The following ZKSCAN2 variants were observed in gnomAD, a reference collection of about 807,000 sequenced individuals.
ZKSCAN2 encodes zinc finger protein with KRAB and SCAN domains 2.
Under a neutral mutation model 90.5 loss-of-function variants are expected in ZKSCAN2, and 38 were observed. The observed-to-expected ratio is 0.42, with a 90% CI of 0.32 to 0.55. The LOEUF (loss-of-function observed/expected upper bound fraction) is 0.55, where lower values mean the gene tolerates loss of function less well. ZKSCAN2 is among the 20% of genes least tolerant of loss of function. The probability of loss-of-function intolerance (pLI) is 0.11; values close to 1 mark genes in which losing one functional copy is unlikely to be tolerated. For missense variants in ZKSCAN2, 1,167 were observed against 1,202.6 expected (o/e 0.97, Z 0.44); for synonymous variants, 429 against 421.6 (o/e 1.02, Z -0.22).
Position 25,239,683 on chromosome 16 carries a change from A to G in ZKSCAN2, c.*133T>C. On this transcript the variant is annotated 3_prime_UTR_variant, in exon 7 of 7. Transcript: ENST00000328086. ...AGTTAGAGGCAGAGGTGAGAACAGG[A>G]TGAAAGTGTTTAGTTTATTTATATT... 1.3e-6 allele frequency: 1 copy of G among 746,782 alleles called. No homozygotes were observed. Among genetic ancestry groups the G allele is most frequent in the Non-Finnish European group, 2.1e-6 (1 of 466,600 alleles). 46.3% of individuals were successfully genotyped at this position (746,782 alleles called of 1,614,324 possible).
chr16:25,240,294 CCA>C lies in ZKSCAN2; in HGVS notation c.2424_2425del (p.Cys808TrpfsTer5). 1.2e-6 allele frequency: 2 copies of C among 1,614,056 alleles called. No homozygotes were observed. Among genetic ancestry groups the C allele is most frequent in the East Asian group, 4.5e-5 (2 of 44,880 alleles). The stretch of plus-strand genomic sequence containing the variant: ...ATTTGAGGAGTCATTAAAGCTTTTT[CCA>C]CAGTCAAGACATTTAAAAGGTTTTT... On this transcript the variant is annotated frameshift_variant, in exon 7 of 7. Coordinates refer to ENST00000328086, the MANE Select transcript of ZKSCAN2 (RefSeq NM_001012981.5). LOFTEE classifies it high-confidence loss of function.
At chr16:25,245,608 A>C (rs1007288439) in intron 5 of ZKSCAN2, among the ~76,000 whole-genome samples, 3 of 152,066 alleles carry the variant, frequency 2.0e-5, no homozygotes, top group Admixed American at 6.6e-5. Flanking sequence ...TCTACTAAAA[A>C]TATAAAAATT....
chr16:25,245,879 C>A (rs149710903), intron 5 of ZKSCAN2, among the ~76,000 whole-genome samples: 104 of 152,248 alleles, frequency 6.8e-4, no homozygotes, highest in African/African-American at 2.3e-3. Flanking sequence ...ACAGTGCCTT[C>A]ATTTATATTA....
intron 4 of ZKSCAN2, 46 bp from the exon 5 acceptor site, chr16:25,247,436 C>T (rs1437074656): frequency 2.0e-6 from 3 of 1,508,404 alleles, no homozygotes; most frequent in Admixed American, 1.8e-5. Context: ...GAAGTCATTA[C>T]TGCATGCCTC....
At chr16:25,245,314 A>G (rs1314742529) in intron 5 of ZKSCAN2, among the ~76,000 whole-genome samples, 1 of 152,150 alleles carries the variant, frequency 6.6e-6, no homozygotes, top group Non-Finnish European at 1.5e-5. Flanking sequence ...TGTGTTGCCC[A>G]GCTGCTCTCA....
Position 25,257,245 on chromosome 16 carries a change from A to G in ZKSCAN2, c.-118T>C. The G allele has an allele frequency of 6.7e-7, 1 of 1,494,564 alleles. No individual in the cohort carries two copies. Among genetic ancestry groups the G allele is most frequent in the Non-Finnish European group, 8.9e-7 (1 of 1,129,742 alleles). 92.6% of individuals were successfully genotyped at this position (1,494,564 alleles called of 1,614,324 possible). The stretch of plus-strand genomic sequence containing the variant: ...ATAAGGTACGGAGGTAAAAACGGCC[A>G]GGTCGGCAGGAACAGGGTATTCCAG... On this transcript the variant is annotated 5_prime_UTR_variant, in exon 1 of 7. Transcript: ENST00000328086.
In ZKSCAN2 at chr16:25,245,443, C is replaced by T. The variant is rs375197035; in HGVS notation, c.1490-1167G>A. Reference sequence around the variant, plus strand: ...AATGGGTTTAGTCATGGATACATTCCCTAGCCTGATTTAGTTTTCCATTCT... The same window carrying T: ...AATGGGTTTAGTCATGGATACATTCTCTAGCCTGATTTAGTTTTCCATTCT... On this transcript the variant is annotated intron_variant, in intron 5 of 6. Coordinates refer to ENST00000328086, the MANE Select transcript of ZKSCAN2 (RefSeq NM_001012981.5). Among the ~76,000 whole-genome samples the T allele has an allele frequency of 5.3e-5, 8 of 152,206 alleles. 1 individual carries two copies.
At position 25,240,668 on chromosome 16, in the gene ZKSCAN2, C is replaced by G. The variant is rs562726254; in HGVS notation, c.2052G>C (p.Arg684Ser). The change falls in exon 7 of 7, where the codon AGG becomes AGC. Residue 684 changes from arginine to serine, a missense_variant. Coordinates refer to ENST00000328086, the MANE Select transcript of ZKSCAN2 (RefSeq NM_001012981.5). ...CTCTTTTAGACTTTTCTATTAATGC[C>G]CTATGCTGTTCCATGTCCTTATATA... is the stretch of plus-strand genomic sequence containing the variant. ...QIVYKDMEQH[R>S]ALIEKSKRVV... is the part of the protein sequence containing the mutation. 2 of 1,614,120 alleles carry G rather than the reference C, an allele frequency of 1.2e-6. No individual in the cohort carries two copies. Among genetic ancestry groups the G allele is most frequent in the South Asian group, 2.2e-5 (2 of 91,078 alleles).
rs1962763333 is a variant in ZKSCAN2 at position 25,236,024 on chromosome 16, C to T, written c.*3792G>A. 1 of 152,202 alleles carries T rather than the reference C, an allele frequency of 6.6e-6. No individual in the cohort carries two copies. The highest frequency in any genetic ancestry group is 2.1e-4 in the South Asian group (1 of 4,832). The allele number at this position is 152,202 out of a possible 1,614,324, so 9.4% of individuals were successfully genotyped here. ...AATTATGGCAGAAACCAGTGGGAGC[C>T]ATTTATTTTAGACATTTATTCCACA... On this transcript the variant is annotated 3_prime_UTR_variant, in exon 7 of 7. Transcript: ENST00000328086.
At chr16:25,251,392 GTATT>G (rs1953671979) in intron 4 of ZKSCAN2, among the ~76,000 whole-genome samples, 1 of 152,008 alleles carries the variant, frequency 6.6e-6, no homozygotes, top group Non-Finnish European at 1.5e-5. Context: ...ATTTTCGTAA[GTATT>G]TATTGAAAAC....
At chr16:25,244,977 G>A (rs888297367) in intron 5 of ZKSCAN2, among the ~76,000 whole-genome samples, 2 of 152,174 alleles carry the variant, frequency 1.3e-5, no homozygotes, top group Admixed American at 6.5e-5. Context: ...CTTACTAGGT[G>A]GTTTCTTCCA....
In ZKSCAN2 at chr16:25,237,820, T is replaced by C. The variant is rs1219665459; in HGVS notation, c.*1996A>G. The C allele has an allele frequency of 6.6e-6, 1 of 152,248 alleles. No homozygotes were observed. Among genetic ancestry groups the C allele is most frequent in the African/African-American group, 2.4e-5 (1 of 41,464 alleles). 9.4% of individuals were successfully genotyped at this position (152,248 alleles called of 1,614,324 possible). ...CTGTGTACATATTATTAAGTGGTGA[T>C]TTCTATTAATTTACATCTTCTCTAG... On this transcript the variant is annotated 3_prime_UTR_variant, in exon 7 of 7. Transcript: ENST00000328086.
At chr16:25,246,627 T>C in intron 5 of ZKSCAN2, 80 bp downstream of exon 5, 1 of 1,490,594 alleles carries the variant, frequency 6.7e-7, no homozygotes, top group Non-Finnish European at 9.3e-7. Context: ...CCCCCCGGGT[T>C]TGGCCACTTC....
At chr16:25,246,339 C>T (rs59626365) in intron 5 of ZKSCAN2, 4,024 of 191,666 alleles carry the variant, frequency 0.021, 165 homozygotes, top group African/African-American at 0.086. Context: ...TTTTAGATAA[C>T]GTAATAATGC....
Position 25,240,614 on chromosome 16 carries a change from T to C in ZKSCAN2, c.2106A>G (p.Lys702=). ...RVVSQSTDPS[K]YRKRECISGR... ...CTGAGATGCATTCCCTTTTGCGATA[T>C]TTGCTGGGGTCGGTACTCTGGGAAA... Residue 702 remains lysine (K), a synonymous_variant, in exon 7 of 7, where the codon AAA becomes AAG. Coordinates refer to ENST00000328086, the MANE Select transcript of ZKSCAN2 (RefSeq NM_001012981.5). The C allele has an allele frequency of 6.2e-7, 1 of 1,614,208 alleles. No individual in the cohort carries two copies. The highest frequency in any genetic ancestry group is 8.5e-7 in the Non-Finnish European group (1 of 1,180,032).
chr16:25,240,871 C>G, intron 6 of ZKSCAN2, 133 bp from the exon 7 acceptor site: 1 of 684,400 alleles, frequency 1.5e-6, no homozygotes, highest in African/African-American at 1.8e-5. Context: ...TTCCCTGATT[C>G]ATTCTGCTAT....
rs1962768725 is a variant in ZKSCAN2 at position 25,236,432 on chromosome 16, A to T, written c.*3384T>A. ...TTTGGTATGGCCAGATGTGGCAGGC[A>T]CAGGACAGCTGGGCCGGCAGCCTGG... On this transcript the variant is annotated 3_prime_UTR_variant, in exon 7 of 7. Transcript: ENST00000328086. 1 of 152,272 alleles carries T rather than the reference A, an allele frequency of 6.6e-6. No individual in the cohort carries two copies. The highest frequency in any genetic ancestry group is 1.5e-5 in the Non-Finnish European group (1 of 68,102). The allele number at this position is 152,272 out of a possible 1,614,324, so 9.4% of individuals were successfully genotyped here. A position where few individuals can be genotyped will look rare whatever the true frequency, so the allele number is the denominator to read the frequency against.
In ZKSCAN2 at chr16:25,238,414, T is replaced by C. The variant is rs1962800050; in HGVS notation, c.*1402A>G. On this transcript the variant is annotated 3_prime_UTR_variant, in exon 7 of 7. Transcript: ENST00000328086. ...TGGAAAATCAAATCTCTGGGTTTCA[T>C]CTGTAACTTCAAAAGTCAATTAACC... The C allele has an allele frequency of 6.6e-6, 1 of 152,246 alleles. No homozygotes were observed. Among genetic ancestry groups the C allele is most frequent in the African/African-American group, 2.4e-5 (1 of 41,460 alleles). 9.4% of individuals were successfully genotyped at this position (152,246 alleles called of 1,614,324 possible).
At chr16:25,252,066 A>G (rs1378361290) in intron 3 of ZKSCAN2, 31 bp from the exon 4 acceptor site, 1 of 1,612,676 alleles carries the variant, frequency 6.2e-7, no homozygotes, top group Non-Finnish European at 8.5e-7. Flanking sequence ...ATGACTACCA[A>G]GATAACTGCA....
Sources: allele counts gnomAD v4.1 joint callset (sites outside exome capture counted in the v4.1 genomes callset), GRCh38; gene constraint gnomAD v4.1.1; transcripts MANE v1.5; gene names NCBI Gene and HGNC (gene_info 2026-07-23, HGNC 2026-07-21).